Variants in SEL1L observed in about 807,000 individuals in gnomAD.
The protein encoded by SEL1L is SEL1L adaptor subunit of SYVN1 ubiquitin ligase, also known as protein sel-1 homolog 1.
A neutral mutation model predicts 109.8 loss-of-function variants in SEL1L; 52 were observed. The ratio of observed to expected loss-of-function variants is 0.47; its 90% CI spans 0.38 to 0.60. The LOEUF is 0.60. Ranked by LOEUF, SEL1L falls within the 20% of genes least tolerant of loss-of-function variation. The pLI, the probability that SEL1L is intolerant of heterozygous loss-of-function variation, is 0.00. For missense variants in SEL1L, 749 were observed against 962.2 expected (o/e 0.78, Z 2.93); for synonymous variants, 373 against 339.6 (o/e 1.10, Z -1.08).
In SEL1L at chr14:81,497,959, C is replaced by G. The variant is rs1379731419; in HGVS notation, c.1061G>C (p.Gly354Ala). Reference sequence around the variant, plus strand: ...TTGAATCAAATCTTCTTCTAGCATTCCACTGTTCATTCCTGGATTTTCCAC... The same window carrying G: ...TTGAATCAAATCTTCTTCTAGCATTGCACTGTTCATTCCTGGATTTTCCAC... Reference protein sequence around the residue: ...DEVENPGMNSGMLEEDLIQYY... With the variant: ...DEVENPGMNSAMLEEDLIQYY... The change falls in exon 10 of 21, where the codon GGA becomes GCA. Residue 354 changes from glycine (G) to alanine (A), a missense_variant. This residue lies in a region of SEL1L where 383 missense variants were observed against 562.5 expected (regional missense o/e 0.68). Coordinates refer to ENST00000336735, the MANE Select transcript of SEL1L (RefSeq NM_005065.6). 1 of 1,613,930 alleles carries G rather than the reference C, an allele frequency of 6.2e-7. No individual in the cohort carries two copies. Among genetic ancestry groups the G allele is most frequent in the African/African-American group, 1.3e-5 (1 of 74,924 alleles).
chr14:81,495,891 G>A (rs550367440), intron 10 of SEL1L, among the ~76,000 whole-genome samples: 8 of 152,176 alleles, frequency 5.3e-5, no homozygotes, highest in African/African-American at 9.6e-5. Flanking sequence ...TGCCGAGATC[G>A]TGCCACTGCA....
rs757466486 is a variant in SEL1L, at chr14:81,476,613, T to C, written c.*359A>G. ...TCGATGCACAATACCTTAAAGATGG[T>C]TGACATTAAGAACTTATGCACACTG... is the stretch of plus-strand genomic sequence containing the variant. On this transcript the variant is annotated 3_prime_UTR_variant, in exon 21 of 21. Coordinates refer to ENST00000336735, the MANE Select transcript of SEL1L (RefSeq NM_005065.6). The C allele has an allele frequency of 2.2e-4, 44 of 195,720 alleles. No homozygotes were observed. Among genetic ancestry groups the C allele is most frequent in the Admixed American group, 1.5e-3 (28 of 18,874 alleles). The allele number at this position is 195,720 out of a possible 1,614,324, so 12.1% of individuals were successfully genotyped here.
chr14:81,488,084 T>C, intron 14 of SEL1L, 142 bp from the exon 15 acceptor site: 2 of 591,316 alleles, frequency 3.4e-6, no homozygotes, highest in Non-Finnish European at 5.9e-6. Flanking sequence ...CTAATTCTTA[T>C]AATAGATAAT....
intron 3 of SEL1L, among the ~76,000 whole-genome samples, chr14:81,522,578 G>A (rs1884958825): frequency 6.6e-6 from 1 of 152,150 alleles, no homozygotes; most frequent in Non-Finnish European, 1.5e-5. Flanking sequence ...ACACTAGCTA[G>A]GTTCGTGTAA....
intron 3 of SEL1L, among the ~76,000 whole-genome samples, chr14:81,518,659 TAAAAAAAA>T (rs35790401): frequency 1.2e-5 from 1 of 84,492 alleles, no homozygotes; most frequent in East Asian, 3.2e-4. Context: ...AGACTTCGTC[TAAAAAAAA>T]AAAAAAAAAA....
At chr14:81,499,992 G>A (rs1230636074) in intron 6 of SEL1L, among the ~76,000 whole-genome samples, 4 of 139,374 alleles carry the variant, frequency 2.9e-5, no homozygotes, top group East Asian at 2.1e-4. Flanking sequence ...TGCAACCTTC[G>A]CCCACTGGGT....
At chr14:81,483,325 T>C (rs976049762) in intron 19 of SEL1L, among the ~76,000 whole-genome samples, 3 of 152,242 alleles carry the variant, frequency 2.0e-5, no homozygotes, top group Admixed American at 1.3e-4. Flanking sequence ...TTTTGTAGAT[T>C]TGATCAACAA....
At chr14:81,498,575 T>C in intron 8 of SEL1L, 81 bp from the exon 9 acceptor site, 2 of 1,050,418 alleles carry the variant, frequency 1.9e-6, no homozygotes, top group South Asian at 1.4e-5. Context: ...AAGCTAAGCA[T>C]ACCCAGAATT....
At chr14:81,529,939 G>A (rs1051428082) in intron 1 of SEL1L, among the ~76,000 whole-genome samples, 1 of 152,154 alleles carries the variant, frequency 6.6e-6, no homozygotes. Context: ...CAGATATCAA[G>A]CAACAAGAAA....
At chr14:81,520,918 G>C (rs1884882188) in intron 3 of SEL1L, among the ~76,000 whole-genome samples, 1 of 152,150 alleles carries the variant, frequency 6.6e-6, no homozygotes. Context: ...GCATTACTTA[G>C]AGGCCTTGAG....
chr14:81,482,230 A>T (rs1418193991), intron 19 of SEL1L, among the ~76,000 whole-genome samples: 1 of 152,220 alleles, frequency 6.6e-6, no homozygotes, highest in South Asian at 2.1e-4. Flanking sequence ...ATTAAATTAG[A>T]ACACATTTTC....
At position 81,504,291 on chromosome 14, in the gene SEL1L, G is replaced by C; in HGVS notation, c.524C>G (p.Ala175Gly). ...TGCTTCCTGCATCTGCCGTCTCTTA[G>C]CAGCCTCTTCTTCAGCTAAAAACAA... is the stretch of plus-strand genomic sequence containing the variant. ...WGFCETEEEAAKRRQMQEAEM... is the reference protein window; with the variant it reads ...WGFCETEEEAGKRRQMQEAEM... Residue 175 changes from alanine to glycine, a missense_variant, in exon 5 of 21, where the codon GCT (alanine) becomes GGT (glycine). Ala to Gly is a moderately conservative substitution (Grantham distance 60). Around this residue, in one of 2 missense-constraint regions of SEL1L, gnomAD observed 366 missense variants for 399.8 expected, o/e 0.92. Coordinates refer to ENST00000336735, the MANE Select transcript of SEL1L (RefSeq NM_005065.6). 1 of 1,593,166 alleles carries C rather than the reference G, an allele frequency of 6.3e-7. No homozygotes were observed. The highest frequency in any genetic ancestry group is 8.5e-7 in the Non-Finnish European group (1 of 1,170,174).
intron 19 of SEL1L, among the ~76,000 whole-genome samples, chr14:81,480,187 C>CA (rs1903304369): frequency 6.6e-6 from 1 of 151,916 alleles, no homozygotes; most frequent in African/African-American, 2.4e-5. Context: ...CACGGTGGCT[C>CA]ATTCTTTTTT....
chr14:81,487,618 T>C, intron 15 of SEL1L, 80 bp from the exon 16 acceptor site: 3 of 1,540,400 alleles, frequency 1.9e-6, no homozygotes, highest in South Asian at 1.2e-5. Context: ...ATATGAAGAA[T>C]AAAACTCTAA....
intron 3 of SEL1L, among the ~76,000 whole-genome samples, chr14:81,514,692 G>C (rs187985165): frequency 1.3e-5 from 2 of 152,250 alleles, no homozygotes; most frequent in East Asian, 3.9e-4. Context: ...GGCAGGGAGA[G>C]AAACAAACCA....
intron 4 of SEL1L, among the ~76,000 whole-genome samples, chr14:81,505,510 C>T (rs1884203693): frequency 6.6e-6 from 1 of 152,034 alleles, no homozygotes; most frequent in Non-Finnish European, 1.5e-5. Context: ...CTATAACAGC[C>T]ATTATTTTTT....
chr14:81,490,280 TA>T (rs1883487366), intron 13 of SEL1L, 107 bp downstream of exon 13: 1 of 774,814 alleles, frequency 1.3e-6, no homozygotes, highest in Admixed American at 2.8e-5. Context: ...GCAGTTTCAA[TA>T]ATGTATAGCA....
At chr14:81,508,584 T>TA (rs1219004556) in intron 3 of SEL1L, among the ~76,000 whole-genome samples, 1 of 152,074 alleles carries the variant, frequency 6.6e-6, no homozygotes, top group East Asian at 1.9e-4. Flanking sequence ...CTGTCTCTAC[T>TA]AAAAATTCAA....
At chr14:81,501,704 T>C (rs183441466) in intron 6 of SEL1L, among the ~76,000 whole-genome samples, 49 of 152,258 alleles carry the variant, frequency 3.2e-4, no homozygotes, top group African/African-American at 1.2e-3. Flanking sequence ...GAATTTTAAA[T>C]AAATATGATG....
Sources: gnomAD v4.1 joint callset for allele counts (sites outside exome capture counted in the v4.1 genomes callset) on GRCh38, gnomAD v4.1.1 for gene constraint, gnomAD v4.1.1 regional missense constraint, MANE v1.5 for transcripts, NCBI Gene and HGNC (gene_info 2026-07-23, HGNC 2026-07-21) for gene names.